ANGPT4: variants seen among roughly 807,000 people sequenced by gnomAD.
The protein encoded by ANGPT4 is angiopoietin 4.
ANGPT4 carries 50 observed loss-of-function variants against 53.0 expected under a neutral mutation model. That is an observed-to-expected ratio of 0.94 (90% CI 0.75 to 1.20). ANGPT4 has a LOEUF of 1.20. Ranked by LOEUF, ANGPT4 falls within the 50% of genes most tolerant of loss-of-function variation. The pLI is 0.00. For synonymous variants in ANGPT4, 251 were observed against 259.7 expected (o/e 0.97, Z 0.32); for missense variants, 648 against 637.1 (o/e 1.02, Z -0.18).
rs1278546881 is a variant in ANGPT4 at position 885,238 on chromosome 20, G to A, written c.675C>T (p.Asn225=). Residue 225 remains asparagine, a synonymous_variant, in exon 4 of 9, where the codon AAC becomes AAT. Transcript: ENST00000381922. ...SILSKKAKLL[N]TLSRQSAALT... ...GGGCGGCGCTCTGGCGGCTCAGCGT[G>A]TTCAGCAGCTTCGCCTTCTTGCTGA... 3 of 1,585,446 alleles carry A rather than the reference G, an allele frequency of 1.9e-6. No individual in the cohort carries two copies. The East Asian group carries it at 6.9e-5, about 36-fold the overall frequency.
chr20:881,122 C>T, intron 5 of ANGPT4, 49 bp downstream of exon 5: 3 of 1,413,650 alleles, frequency 2.1e-6, no homozygotes, highest in Non-Finnish European at 2.9e-6. Flanking sequence ...TTGGGAAGCC[C>T]TTGGCTCAGC....
intron 2 of ANGPT4, 68 bp downstream of exon 2, chr20:890,145 T>C: frequency 6.4e-7 from 1 of 1,559,078 alleles, no homozygotes; most frequent in East Asian, 2.3e-5. Flanking sequence ...CAAGGTAAGA[T>C]GACTGGGGCT....
intron 1 of ANGPT4, among the ~76,000 whole-genome samples, chr20:893,438 CT>C (rs1600055264): frequency 1.3e-5 from 2 of 152,158 alleles, no homozygotes; most frequent in East Asian, 3.8e-4. Context: ...TGTTCTTATG[CT>C]TTGATTTTAT....
intron 1 of ANGPT4, among the ~76,000 whole-genome samples, chr20:894,911 T>A (rs114257852): frequency 0.019 from 2,900 of 152,256 alleles, 83 homozygotes; most frequent in African/African-American, 0.064. Context: ...AGCACCTCAC[T>A]GGTCCCCCAC....
intron 2 of ANGPT4, among the ~76,000 whole-genome samples, chr20:889,104 T>C (rs1046522606): frequency 6.6e-6 from 1 of 152,194 alleles, no homozygotes; most frequent in African/African-American, 2.4e-5. Context: ...CTCTCTGCAG[T>C]AAGCCTGGCT....
At chr20:881,144 G>A in intron 5 of ANGPT4, 27 bp downstream of exon 5, 1 of 1,534,306 alleles carries the variant, frequency 6.5e-7, no homozygotes, top group Admixed American at 2.0e-5. Context: ...CCCTCTAACA[G>A]CCACAGTTCC....
At chr20:879,384 C>T (rs967701707) in intron 6 of ANGPT4, among the ~76,000 whole-genome samples, 1 of 152,134 alleles carries the variant, frequency 6.6e-6, no homozygotes, top group Non-Finnish European at 1.5e-5. Flanking sequence ...CAGATATGAT[C>T]ATAGACGTAT....
rs566352349 is a variant in ANGPT4 at position 911,617 on chromosome 20, G to A, written c.309+4289C>T. 2.8e-4 allele frequency among the ~76,000 whole-genome samples: 42 copies of A among 152,226 alleles called. No homozygotes were observed. Among genetic ancestry groups the A allele is most frequent in the South Asian group, 8.3e-4 (4 of 4,820 alleles). ...AGCAACAGTGAGTCAGGGCCACCGC[G>A]AGAGCCCCAGGAGAGATCCACAGAG... On this transcript the variant is annotated intron_variant, in intron 1 of 8. Coordinates refer to ENST00000381922, the MANE Select transcript of ANGPT4 (RefSeq NM_015985.4). The surrounding 1 kb of genome is among the most constrained non-coding windows in gnomAD (Gnocchi z 4.9).
intron 1 of ANGPT4, among the ~76,000 whole-genome samples, chr20:893,096 G>C (rs62187498): frequency 0.023 from 3,513 of 152,250 alleles, 74 homozygotes; most frequent in Non-Finnish European, 0.035. Flanking sequence ...TCTAGGTCAG[G>C]GGTCCTTAAT....
intron 1 of ANGPT4, among the ~76,000 whole-genome samples, 181 bp from the exon 2 acceptor site, chr20:890,549 G>T (rs1981801142): frequency 1.3e-5 from 2 of 152,046 alleles, no homozygotes; most frequent in African/African-American, 2.4e-5. Flanking sequence ...TTTTTCCCTG[G>T]GAGGGATTTA....
At chr20:873,631 TG>T (rs1981040175) in intron 8 of ANGPT4, among the ~76,000 whole-genome samples, 1 of 151,960 alleles carries the variant, frequency 6.6e-6, no homozygotes, top group Non-Finnish European at 1.5e-5. Context: ...TCCCTTCCTC[TG>T]GGCCCCCATC....
chr20:894,248 G>A (rs149423119), intron 1 of ANGPT4, among the ~76,000 whole-genome samples: 1 of 152,178 alleles, frequency 6.6e-6, no homozygotes, highest in Non-Finnish European at 1.5e-5. Context: ...AAAGGTGGAT[G>A]CGGTCACCTT....
At chr20:882,819 A>G (rs112377449) in intron 4 of ANGPT4, among the ~76,000 whole-genome samples, 4,519 of 152,304 alleles carry the variant, frequency 0.03, 205 homozygotes, top group African/African-American at 0.1. Context: ...CAACAATAAT[A>G]TCAACACAAA....
At chr20:883,946 G>A (rs1368951727) in intron 4 of ANGPT4, among the ~76,000 whole-genome samples, 2 of 152,296 alleles carry the variant, frequency 1.3e-5, no homozygotes, top group East Asian at 3.9e-4. Context: ...TACTCAGCTG[G>A]GTCTGCCAGA....
intron 5 of ANGPT4, among the ~76,000 whole-genome samples, chr20:880,770 C>T (rs948083671): frequency 6.6e-6 from 1 of 152,170 alleles, no homozygotes; most frequent in African/African-American, 2.4e-5. Flanking sequence ...CCTCTATTAG[C>T]CCTGGTTTCT....
chr20:882,531 T>C (rs1344463421), intron 4 of ANGPT4, among the ~76,000 whole-genome samples: 1 of 152,116 alleles, frequency 6.6e-6, no homozygotes, highest in African/African-American at 2.4e-5. Flanking sequence ...ACAAATGAGA[T>C]GACTAAGACC....
intron 1 of ANGPT4, 139 bp downstream of exon 1, chr20:915,767 C>T (rs754655203): frequency 1.2e-4 from 137 of 1,116,900 alleles, no homozygotes; most frequent in Non-Finnish European, 1.5e-4. Flanking sequence ...GGCCTCAGAC[C>T]CACCCCTGCC....
chr20:890,372 TG>T lies in ANGPT4; in HGVS notation c.310-5del. 6.4e-7 allele frequency: 1 copy of T among 1,559,698 alleles called. No homozygotes were observed. Among genetic ancestry groups the T allele is most frequent in the Non-Finnish European group, 8.7e-7 (1 of 1,151,006 alleles). On this transcript the variant is annotated splice_polypyrimidine_tract_variant and splice_region_variant and intron_variant, in intron 1 of 8. Transcript: ENST00000381922. ...TCGTCTTGATGGCCCTCTCTAGCTGTGGGAGACCATGGGCTGGGGTCACGGG... is the reference window on the plus strand; with the variant it reads ...TCGTCTTGATGGCCCTCTCTAGCTGTGGAGACCATGGGCTGGGGTCACGGG...
intron 1 of ANGPT4, among the ~76,000 whole-genome samples, chr20:899,229 C>T (rs554997831): frequency 1.7e-3 from 258 of 151,176 alleles, no homozygotes; most frequent in African/African-American, 5.9e-3. Flanking sequence ...AACTCCCCAG[C>T]TTTGGTGCCA....
Sources: gnomAD v4.1 joint callset for allele counts (sites outside exome capture counted in the v4.1 genomes callset) on GRCh38, gnomAD v4.1.1 for gene constraint, Gnocchi (gnomAD v3.1) non-coding constraint, MANE v1.5 for transcripts, NCBI Gene and HGNC (gene_info 2026-07-23, HGNC 2026-07-21) for gene names.